Variants in VPS35L observed in about 807,000 individuals in gnomAD.
VPS35L encodes VPS35 endosomal protein sorting factor like, also known as VPS35 endosomal protein-sorting factor-like.
In VPS35L, 83 loss-of-function variants were observed where a neutral mutation model predicts 133.0. The ratio of observed to expected loss-of-function variants is 0.62; its 90% confidence interval spans 0.52 to 0.75. The LOEUF is 0.75. VPS35L is among the 30% of genes least tolerant of loss of function. VPS35L has a pLI of 0.00. For synonymous variants in VPS35L, 423 were observed against 449.9 expected, an observed-to-expected ratio of 0.94 and a Z score of 0.76; for missense variants, 1,083 against 1,206.8, an observed-to-expected ratio of 0.90 and a Z score of 1.52.
chr16:19,698,142 C>T (rs908269765), intron 29 of VPS35L, among the ~76,000 whole-genome samples: 3 of 152,182 alleles, frequency 2.0e-5, no homozygotes, highest in Non-Finnish European at 4.4e-5. Context: ...GGGCTCTTAT[C>T]AGGAGGCACT....
intron 26 of VPS35L, among the ~76,000 whole-genome samples, chr16:19,655,053 C>A (rs1054598886): frequency 8.5e-5 from 13 of 152,110 alleles, no homozygotes; most frequent in Non-Finnish European, 1.5e-4. Flanking sequence ...GTAGTTTCTC[C>A]CTGTTGTGCT....
chr16:19,627,592 C>G, intron 15 of VPS35L, 102 bp from the exon 16 acceptor site: 1 of 927,056 alleles, frequency 1.1e-6, no homozygotes, highest in Non-Finnish European at 1.7e-6. Flanking sequence ...AACCCTACCG[C>G]TAAAGAGCTG....
intron 7 of VPS35L, chr16:19,582,009 C>G (rs536418077): frequency 4.1e-4 from 81 of 195,398 alleles, no homozygotes; most frequent in Non-Finnish European, 4.3e-4. Flanking sequence ...AACTTTCTTT[C>G]GGGATTCCTT....
intron 27 of VPS35L, among the ~76,000 whole-genome samples, chr16:19,671,055 A>G (rs1974856574): frequency 6.6e-6 from 1 of 152,256 alleles, no homozygotes; most frequent in South Asian, 2.1e-4. Context: ...CTGTTAATGC[A>G]TTCACAAAGA....
rs1430551246 is a variant in VPS35L, at chr16:19,639,469, CCCAGCA to C, written c.1699-542_1699-537del. ...ATGGCTCACCAAAATGTTAACTGGT[CCCAGCA>C]CCAATCCCTGGAATGCATATAAGTT... On this transcript the variant is annotated intron_variant, in intron 20 of 30. Coordinates refer to ENST00000417362, the MANE Select transcript of VPS35L (RefSeq NM_020314.7). This position sits in a 1 kb window ranked among gnomAD's most constrained non-coding sequence, Gnocchi z 4.1. Among the ~76,000 whole-genome samples the C allele has an allele frequency of 6.6e-6, 1 of 152,166 alleles. No homozygotes were observed. The highest frequency in any genetic ancestry group is 1.9e-4 in the East Asian group (1 of 5,202).
At chr16:19,558,081 G>C (rs1970918162) in intron 1 of VPS35L, among the ~76,000 whole-genome samples, 1 of 151,106 alleles carries the variant, frequency 6.6e-6, no homozygotes, top group South Asian at 2.1e-4. Flanking sequence ...AAAAAAAAAA[G>C]TTAAAGGGAC....
rs150158804 is a variant in VPS35L, at chr16:19,622,426, G to A, written c.1225-3751G>A. 5.3e-3 allele frequency among the ~76,000 whole-genome samples: 812 copies of A among 152,140 alleles called. 6 individuals are homozygous for A. Among genetic ancestry groups the A allele is most frequent in the African/African-American group, 0.019 (768 of 41,506 alleles). On this transcript the variant is annotated intron_variant, in intron 14 of 30. Transcript: ENST00000417362. ...CAAAGTGCTGGGATTACAGGCGTGAGCCACTGTGCCCGGCCCCCACGTATA... is the reference window on the plus strand; with the variant it reads ...CAAAGTGCTGGGATTACAGGCGTGAACCACTGTGCCCGGCCCCCACGTATA...
intron 28 of VPS35L, among the ~76,000 whole-genome samples, chr16:19,684,504 A>G (rs1324939647): frequency 6.6e-6 from 1 of 152,198 alleles, no homozygotes; most frequent in Non-Finnish European, 1.5e-5. Context: ...AGGCTGGTTC[A>G]TAGCAAGAAT....
At chr16:19,561,158 G>C (rs568945726) in intron 1 of VPS35L, among the ~76,000 whole-genome samples, 2 of 151,880 alleles carry the variant, frequency 1.3e-5, no homozygotes, top group East Asian at 3.9e-4. Context: ...TCACGAGGTC[G>C]GGAGATCGAG....
chr16:19,648,222 C>T (rs948548124), intron 24 of VPS35L, among the ~76,000 whole-genome samples: 2 of 152,126 alleles, frequency 1.3e-5, no homozygotes, highest in African/African-American at 4.8e-5. Context: ...GCCTTGGCCT[C>T]CCAAAATGCT....
At chr16:19,609,162 T>A (rs1049587338) in intron 11 of VPS35L, 141 bp downstream of exon 11, 1 of 721,172 alleles carries the variant, frequency 1.4e-6, no homozygotes, top group Non-Finnish European at 2.3e-6. Flanking sequence ...CTTTTTCTCA[T>A]TGAATCCAAA....
chr16:19,648,528 TG>T (rs1472903994), intron 24 of VPS35L, among the ~76,000 whole-genome samples: 3 of 152,118 alleles, frequency 2.0e-5, no homozygotes, highest in Non-Finnish European at 4.4e-5. Flanking sequence ...TAACTTTTTA[TG>T]GTGCCCTCAG....
intron 26 of VPS35L, among the ~76,000 whole-genome samples, chr16:19,656,517 C>A (rs989777706): frequency 6.6e-6 from 1 of 151,314 alleles, no homozygotes; most frequent in Non-Finnish European, 1.5e-5. Context: ...CTTCTGCTTG[C>A]ATTGGTCCCA....
At chr16:19,618,986 A>C (rs1388912012) in intron 14 of VPS35L, among the ~76,000 whole-genome samples, 1 of 146,504 alleles carries the variant, frequency 6.8e-6, no homozygotes, top group Non-Finnish European at 1.5e-5. Flanking sequence ...GCTGGAGTGC[A>C]CTGGTGCAAT....
chr16:19,644,633 C>T (rs1203044246), intron 22 of VPS35L, among the ~76,000 whole-genome samples: 1 of 152,140 alleles, frequency 6.6e-6, no homozygotes, highest in Admixed American at 6.5e-5. Flanking sequence ...GTGAAAGTTA[C>T]CTTTTCTTTT....
At chr16:19,697,225 CGCT>C (rs1173150650) in intron 29 of VPS35L, among the ~76,000 whole-genome samples, 1 of 152,216 alleles carries the variant, frequency 6.6e-6, no homozygotes, top group Non-Finnish European at 1.5e-5. Flanking sequence ...CTGTGACTGT[CGCT>C]GCTCTAGGCT....
intron 19 of VPS35L, among the ~76,000 whole-genome samples, chr16:19,634,570 C>T (rs1039017583): frequency 1.3e-5 from 2 of 152,024 alleles, no homozygotes; most frequent in Non-Finnish European, 2.9e-5. Flanking sequence ...AATAGGAATC[C>T]AAGAGTCCAT....
At chr16:19,693,579 G>A (rs917606103) in intron 29 of VPS35L, among the ~76,000 whole-genome samples, 21 of 152,224 alleles carry the variant, frequency 1.4e-4, no homozygotes, top group Non-Finnish European at 2.5e-4. Context: ...CCAGGAGTTC[G>A]AGACCAGCCT....
At chr16:19,669,778 C>T (rs1484635004) in intron 27 of VPS35L, among the ~76,000 whole-genome samples, 1 of 151,850 alleles carries the variant, frequency 6.6e-6, no homozygotes, top group East Asian at 1.9e-4. Flanking sequence ...TCAAGTGATT[C>T]TCCTGCCTCA....
Sources: gnomAD v4.1 joint callset for allele counts (sites outside exome capture counted in the v4.1 genomes callset) on GRCh38, gnomAD v4.1.1 for gene constraint, Gnocchi (gnomAD v3.1) non-coding constraint, MANE v1.5 for transcripts, NCBI Gene and HGNC (gene_info 2026-07-23, HGNC 2026-07-21) for gene names.